The following ATP9A variants were observed in gnomAD, a reference collection of about 807,000 sequenced individuals.
ATP9A encodes ATPase phospholipid transporting 9A, also known as probable phospholipid-transporting ATPase IIA.
A neutral mutation model predicts 144.1 loss-of-function variants in ATP9A; 52 were observed. The ratio of observed to expected loss-of-function variants is 0.36; its 90% CI spans 0.29 to 0.45. The LOEUF (loss-of-function observed/expected upper bound fraction) is 0.45. Ranked by LOEUF, ATP9A falls within the 20% of genes least tolerant of loss-of-function variation. The pLI is 1.00. For synonymous variants in ATP9A, 582 were observed against 557.4 expected (o/e 1.04, Z -0.62); for missense variants, 947 against 1,392.7 (o/e 0.68, Z 5.09).
Position 51,690,797 on chromosome 20 carries a change from T to C in ATP9A, c.665A>G (p.Tyr222Cys), listed in dbSNP as rs977314898. The change falls in exon 8 of 28, where the codon TAT becomes TGT. Residue 222 changes from tyrosine to cysteine, a missense_variant. By Grantham distance (194) the Tyr-to-Cys change is radical (BLOSUM62 -2). Coordinates refer to ENST00000338821, the MANE Select transcript of ATP9A (RefSeq NM_006045.3). ...AATATTTGGCTCTTCTGCGTACACATACGATCGAATCTGAAGAAGGTCCTG... is the reference window on the plus strand; with the variant it reads ...AATATTTGGCTCTTCTGCGTACACACACGATCGAATCTGAAGAAGGTCCTG... Reference protein sequence around the residue: ...TAADLLQIRSYVYAEEPNIDI... With the variant: ...TAADLLQIRSCVYAEEPNIDI... 2 of 1,614,032 alleles carry C rather than the reference T, an allele frequency of 1.2e-6. No homozygotes were observed. The highest frequency in any genetic ancestry group is 1.3e-5 in the African/African-American group (1 of 74,922).
At chr20:51,651,022 A>G (rs1568803284) in intron 14 of ATP9A, among the ~76,000 whole-genome samples, 3 of 150,596 alleles carry the variant, frequency 2.0e-5, no homozygotes, top group South Asian at 4.2e-4. Context: ...TCTGTTGCCC[A>G]GGCTCGAGTG....
intron 1 of ATP9A, among the ~76,000 whole-genome samples, chr20:51,746,364 C>T (rs900368841): frequency 6.6e-6 from 1 of 152,194 alleles, no homozygotes; most frequent in Non-Finnish European, 1.5e-5. Context: ...GAAATAGCCA[C>T]GTGGTACCAT....
chr20:51,692,462 T>C (rs1296402753), intron 7 of ATP9A, among the ~76,000 whole-genome samples: 1 of 152,104 alleles, frequency 6.6e-6, no homozygotes, highest in Non-Finnish European at 1.5e-5. Flanking sequence ...TGGGGACTTG[T>C]AGCAGCCACC....
At chr20:51,702,896 A>G (rs2077600242) in intron 4 of ATP9A, among the ~76,000 whole-genome samples, 1 of 152,196 alleles carries the variant, frequency 6.6e-6, no homozygotes, top group Admixed American at 6.5e-5. Flanking sequence ...ATCTCAAAAA[A>G]GGGCAGGAAC....
At chr20:51,626,678 A>G (rs1182997700) in intron 17 of ATP9A, among the ~76,000 whole-genome samples, 3 of 151,908 alleles carry the variant, frequency 2.0e-5, no homozygotes, top group African/African-American at 7.2e-5. Flanking sequence ...GAGAAAAGAA[A>G]TTAGGGCTCC....
intron 13 of ATP9A, among the ~76,000 whole-genome samples, chr20:51,666,756 G>A (rs1453721734): frequency 6.6e-6 from 1 of 152,062 alleles, no homozygotes; most frequent in African/African-American, 2.4e-5. Flanking sequence ...GCTCTAAGGT[G>A]GGAGGCGTGA....
chr20:51,719,214 C>A (rs1489337007), intron 3 of ATP9A, among the ~76,000 whole-genome samples: 3 of 151,876 alleles, frequency 2.0e-5, no homozygotes, highest in Non-Finnish European at 4.4e-5. Context: ...CTCCTGAGCC[C>A]AGAAGCACAG....
At chr20:51,607,395 C>A (rs974610954) in intron 26 of ATP9A, 132 bp downstream of exon 26, 2 of 758,222 alleles carry the variant, frequency 2.6e-6, no homozygotes, top group African/African-American at 3.5e-5. Flanking sequence ...AGGGTCTCCC[C>A]TGGGTCCCAC....
chr20:51,751,252 GTTTT>G (rs1160458034), intron 1 of ATP9A, among the ~76,000 whole-genome samples: 6 of 131,938 alleles, frequency 4.5e-5, no homozygotes, highest in African/African-American at 1.4e-4. Context: ...ACGTTTCTGG[GTTTT>G]TTTTGTTTTT....
chr20:51,695,818 C>T (rs1462435783), intron 6 of ATP9A, among the ~76,000 whole-genome samples: 2 of 152,106 alleles, frequency 1.3e-5, no homozygotes, highest in Non-Finnish European at 2.9e-5. Flanking sequence ...TTAACACAGC[C>T]GGGAGAGGAA....
intron 9 of ATP9A, among the ~76,000 whole-genome samples, chr20:51,679,365 G>C (rs2077490706): frequency 6.6e-6 from 1 of 152,096 alleles, no homozygotes. Flanking sequence ...GGCTTTTCCT[G>C]GAAGTGTGGA....
intron 3 of ATP9A, among the ~76,000 whole-genome samples, chr20:51,716,088 A>T (rs1006221231): frequency 1.3e-5 from 2 of 152,174 alleles, no homozygotes; most frequent in Non-Finnish European, 2.9e-5. Context: ...GAAATGTTCC[A>T]TATCTTGATT....
chr20:51,638,239 T>C (rs2077303686), intron 15 of ATP9A, among the ~76,000 whole-genome samples: 1 of 144,262 alleles, frequency 6.9e-6, no homozygotes, highest in African/African-American at 2.6e-5. Flanking sequence ...CTTTCCTCCA[T>C]GAGGCATGAA....
chr20:51,601,960 G>C (rs545166741), intron 27 of ATP9A, among the ~76,000 whole-genome samples: 20 of 152,140 alleles, frequency 1.3e-4, no homozygotes, highest in African/African-American at 4.8e-4. Flanking sequence ...AAAACTCAGA[G>C]ATGCTTTTGA....
intron 14 of ATP9A, among the ~76,000 whole-genome samples, chr20:51,652,503 G>T (rs556417162): frequency 6.6e-6 from 1 of 152,220 alleles, no homozygotes; most frequent in African/African-American, 2.4e-5. Context: ...TCAAAGGCAC[G>T]ATTCTAGAGC....
At chr20:51,621,989 T>C (rs753412146) in intron 19 of ATP9A, 85 bp downstream of exon 19, 5 of 1,221,776 alleles carry the variant, frequency 4.1e-6, no homozygotes, top group Non-Finnish European at 4.8e-6. Context: ...GCCCCTCCCT[T>C]CTTAAGGGGC....
intron 13 of ATP9A, among the ~76,000 whole-genome samples, chr20:51,666,539 G>C (rs1267142602): frequency 6.6e-6 from 1 of 151,936 alleles, no homozygotes; most frequent in East Asian, 1.9e-4. Context: ...AAATTAGCCG[G>C]GCGTGGTGGC....
At chr20:51,686,204 C>A (rs933362802) in intron 9 of ATP9A, among the ~76,000 whole-genome samples, 1 of 151,680 alleles carries the variant, frequency 6.6e-6, no homozygotes, top group African/African-American at 2.4e-5. Flanking sequence ...CATCACACAC[C>A]GGGGCCTGTC....
intron 1 of ATP9A, among the ~76,000 whole-genome samples, chr20:51,760,981 C>A (rs965570630): frequency 3.3e-5 from 5 of 150,916 alleles, no homozygotes; most frequent in Admixed American, 6.6e-5. Flanking sequence ...TGAGCCGAGA[C>A]TGCGCCACTG....
Sources: gnomAD v4.1 joint callset for allele counts (sites outside exome capture counted in the v4.1 genomes callset) on GRCh38, gnomAD v4.1.1 for gene constraint, MANE v1.5 for transcripts, NCBI Gene and HGNC (gene_info 2026-07-23, HGNC 2026-07-21) for gene names.